Variants in RBPJ observed in about 807,000 individuals in gnomAD.
RBPJ encodes recombination signal binding protein for immunoglobulin kappa J region.
Under a neutral mutation model 67.8 loss-of-function variants are expected in RBPJ, and 9 were observed. The ratio of observed to expected loss-of-function variants is 0.13; its 90% CI spans 0.08 to 0.23. The LOEUF is 0.23. Ranked by LOEUF, RBPJ falls within the 10% of genes least tolerant of loss-of-function variation. The pLI, the probability that RBPJ is intolerant of heterozygous loss-of-function variation, is 1.00. For synonymous variants in RBPJ, 198 were observed against 203.3 expected (o/e 0.97, Z 0.22); for missense variants, 305 against 595.6 (o/e 0.51, Z 5.08).
At chr4:26,369,049 C>T (rs1201838684) in intron 1 of RBPJ, among the ~76,000 whole-genome samples, 1 of 152,114 alleles carries the variant, frequency 6.6e-6, no homozygotes, top group East Asian at 1.9e-4. Flanking sequence ...TAACTCCATC[C>T]CCTGGGACAG....
intron 1 of RBPJ, among the ~76,000 whole-genome samples, chr4:26,242,506 T>C (rs949715877): frequency 6.6e-6 from 1 of 151,334 alleles, no homozygotes; most frequent in African/African-American, 2.4e-5. Flanking sequence ...CCACAGATCC[T>C]CAGGAACCAC....
At chr4:26,117,264 A>G in the RBPJ span, among the ~76,000 whole-genome samples, 1 of 152,170 alleles carries the variant, frequency 6.6e-6, no homozygotes, top group South Asian at 2.1e-4. Flanking sequence ...GGCATCTCCC[A>G]TGACCACAAA....
chr4:26,253,303 A>AT (rs1172735898), intron 1 of RBPJ, among the ~76,000 whole-genome samples: 2 of 133,228 alleles, frequency 1.5e-5, no homozygotes, highest in Non-Finnish European at 1.6e-5. Context: ...TTAATCTGCT[A>AT]TTTCTTTTTT....
At chr4:26,356,763 A>G (rs1275292341) in intron 1 of RBPJ, among the ~76,000 whole-genome samples, 6 of 152,212 alleles carry the variant, frequency 3.9e-5, no homozygotes, top group Non-Finnish European at 8.8e-5. Flanking sequence ...ACTGCAGTGA[A>G]TATCTTCGTG....
chr4:26,311,859 A>G (rs1181140239), intron 1 of RBPJ, among the ~76,000 whole-genome samples: 1 of 152,138 alleles, frequency 6.6e-6, no homozygotes, highest in Non-Finnish European at 1.5e-5. Context: ...TGAGCCCAGG[A>G]GTTCAAAGCT....
At chr4:26,205,992 T>C (rs1718156581) in intron 1 of RBPJ, among the ~76,000 whole-genome samples, 2 of 106,836 alleles carry the variant, frequency 1.9e-5, no homozygotes, top group South Asian at 6.6e-4. Context: ...ATATGATATA[T>C]GCGTATTTTT....
intron 1 of RBPJ, among the ~76,000 whole-genome samples, chr4:26,219,489 C>T (rs1407897830): frequency 6.6e-6 from 1 of 152,234 alleles, no homozygotes; most frequent in Non-Finnish European, 1.5e-5. Context: ...AGTTCTGTAG[C>T]TGACTAGCTG....
chr4:26,303,096 G>A (rs1014530976), intron 1 of RBPJ, among the ~76,000 whole-genome samples: 4 of 151,612 alleles, frequency 2.6e-5, no homozygotes, highest in Non-Finnish European at 1.5e-5. Context: ...AAATAGAAAC[G>A]CTTGAATCTG....
intron 1 of RBPJ, among the ~76,000 whole-genome samples, chr4:26,190,945 G>A (rs1717462970): frequency 6.6e-6 from 1 of 151,194 alleles, no homozygotes. Context: ...CAGGAGTTTG[G>A]CACCAGCCTG....
chr4:26,220,587 C>G (rs1301121867), intron 1 of RBPJ, among the ~76,000 whole-genome samples: 1 of 152,150 alleles, frequency 6.6e-6, no homozygotes, highest in Non-Finnish European at 1.5e-5. Context: ...GTCACAGCAT[C>G]GCTTGCCTCT....
chr4:26,262,230 C>G (rs1005058054), intron 1 of RBPJ, among the ~76,000 whole-genome samples: 1 of 152,100 alleles, frequency 6.6e-6, no homozygotes. Flanking sequence ...CAGGCATGAG[C>G]CACCATGTAC....
the RBPJ span, among the ~76,000 whole-genome samples, chr4:26,117,062 C>T: frequency 1.3e-5 from 2 of 152,148 alleles, no homozygotes; most frequent in African/African-American, 2.4e-5. Context: ...ATAGGTTGGC[C>T]CACAAAGTTG....
rs775628137 is a variant in RBPJ, at chr4:26,386,320, T to G, written c.21-33T>G. The G allele has an allele frequency of 3.3e-6, 5 of 1,531,958 alleles. No individual in the cohort carries two copies. The Admixed American group carries it at 9.3e-5, about 28-fold the overall frequency. 94.9% of individuals were successfully genotyped at this position (1,531,958 alleles called of 1,614,324 possible). On this transcript the variant is annotated intron_variant, in intron 1 of 10. Coordinates refer to ENST00000355476, the MANE Select transcript of RBPJ (RefSeq NM_015874.6). ...CTGTAGAGTGTATCATAAAGCTTACTTAACTTTATTTTCTTTATTTTTTTT... is the reference window on the plus strand; with the variant it reads ...CTGTAGAGTGTATCATAAAGCTTACGTAACTTTATTTTCTTTATTTTTTTT...
At chr4:26,149,273 G>A in the RBPJ span, among the ~76,000 whole-genome samples, 1 of 152,230 alleles carries the variant, frequency 6.6e-6, no homozygotes, top group Non-Finnish European at 1.5e-5. Context: ...AGTTTAGCAA[G>A]TCACTGAACC....
chr4:26,255,293 A>G (rs1720273207), intron 1 of RBPJ, among the ~76,000 whole-genome samples: 1 of 127,732 alleles, frequency 7.8e-6, no homozygotes, highest in African/African-American at 3.5e-5. Context: ...AGTCCCAGCT[A>G]CTCGGGAGGC....
chr4:26,222,633 A>AATAAAT (rs138678139), intron 1 of RBPJ, among the ~76,000 whole-genome samples: 2 of 135,928 alleles, frequency 1.5e-5, no homozygotes, highest in African/African-American at 5.4e-5. Flanking sequence ...TGTACTCTGA[A>AATAAAT]ATATATATAT....
At position 26,431,164 on chromosome 4, in the gene RBPJ, T is replaced by TTGAAA. The variant is rs1736184729; in HGVS notation, c.*160_*164dup. Reference sequence around the variant, plus strand: ...CCGTTGTCTCCCTGCAAGTGCTGATTTGAAATGCAGAAGCCACAGTAAAAA... The same window carrying TTGAAA: ...CCGTTGTCTCCCTGCAAGTGCTGATTTGAAATGAAATGCAGAAGCCACAGTAAAAA... On this transcript the variant is annotated 3_prime_UTR_variant, in exon 11 of 11. Transcript: ENST00000355476. 2.6e-6 allele frequency: 1 copy of TTGAAA among 389,062 alleles called. No homozygotes were observed. The highest frequency in any genetic ancestry group is 3.6e-5 in the East Asian group (1 of 27,562). The allele number at this position is 389,062 out of a possible 1,614,324, so 24.1% of individuals were successfully genotyped here. A position where few individuals can be genotyped will look rare whatever the true frequency, so the allele number is the denominator to read the frequency against.
At chr4:26,400,381 C>T (rs539726252) in intron 2 of RBPJ, among the ~76,000 whole-genome samples, 6 of 152,306 alleles carry the variant, frequency 3.9e-5, no homozygotes, top group African/African-American at 7.2e-5. Context: ...CAATGCACAG[C>T]GCAATCTCTC....
Position 26,222,369 on chromosome 4 carries a change from C to T in RBPJ, c.-167+58755C>T, listed in dbSNP as rs574761219. 9.9e-5 allele frequency among the ~76,000 whole-genome samples: 15 copies of T among 151,772 alleles called. No individual in the cohort carries two copies. The East Asian group carries it at 2.7e-3, about 28-fold the overall frequency. ...AATTAGTTGGGCGTGGTGGCGGCCG[C>T]CTATAATCCCAGCTACTCAGGAGGC... is the stretch of plus-strand genomic sequence containing the variant. On this transcript the variant is annotated intron_variant, in intron 1 of 4. Transcript: ENST00000512351.
Sources: gnomAD v4.1 joint callset for allele counts (sites outside exome capture counted in the v4.1 genomes callset) on GRCh38, gnomAD v4.1.1 for gene constraint, MANE v1.5 for transcripts, NCBI Gene and HGNC (gene_info 2026-07-23, HGNC 2026-07-21) for gene names.